COL22A1: variants seen among roughly 807,000 people sequenced by gnomAD.
COL22A1 encodes the protein collagen alpha-1(XXII) chain.
In COL22A1, 221 loss-of-function variants were observed where a neutral mutation model predicts 248.9. The observed-to-expected ratio is 0.89, with a 90% CI of 0.80 to 0.99. The LOEUF (loss-of-function observed/expected upper bound fraction) is 0.99. Among genes scored for constraint, COL22A1 ranks in the 50% least tolerant of loss-of-function variants. The probability of loss-of-function intolerance (pLI) is 0.00; values close to 1 mark genes in which losing one functional copy is unlikely to be tolerated. For synonymous variants in COL22A1, 891 were observed against 793.4 expected (o/e 1.12, Z -2.07); for missense variants, 2,240 against 2,179.0 (o/e 1.03, Z -0.56).
intron 12 of COL22A1, among the ~76,000 whole-genome samples, chr8:138,787,463 G>A (rs2131563867): frequency 6.6e-6 from 1 of 152,322 alleles, no homozygotes; most frequent in South Asian, 2.1e-4. Context: ...AGGAGGAGGA[G>A]TACCTCTGGC....
chr8:138,758,524 G>C lies in COL22A1; in HGVS notation c.1902+1719C>G, dbSNP rs1833209689. Among the ~76,000 whole-genome samples the C allele has an allele frequency of 2.0e-5, 3 of 152,350 alleles. No homozygotes were observed. The South Asian group carries it at 6.2e-4, about 32-fold the overall frequency. On this transcript the variant is annotated intron_variant, in intron 18 of 64. Coordinates refer to ENST00000303045, the MANE Select transcript of COL22A1 (RefSeq NM_152888.3). ...CATCGAATGGACAGGCAGATAATAT[G>C]ATAGGCCTTGGTCAATAATCAGATT...
intron 5 of COL22A1, among the ~76,000 whole-genome samples, chr8:138,830,283 C>A (rs1483042532): frequency 6.6e-6 from 1 of 152,096 alleles, no homozygotes; most frequent in Non-Finnish European, 1.5e-5. Flanking sequence ...CTGCCTTGCT[C>A]GTTTCTGTTA....
chr8:138,772,511 T>C (rs1015522949), intron 16 of COL22A1, among the ~76,000 whole-genome samples: 6 of 152,096 alleles, frequency 3.9e-5, no homozygotes, highest in African/African-American at 1.2e-4. Context: ...AAAAAGATTT[T>C]TATACCAATC....
At position 138,755,141 on chromosome 8, in the gene COL22A1, G is replaced by T. The variant is rs1369829146; in HGVS notation, c.2031+16C>A. The T allele has an allele frequency of 6.2e-7, 1 of 1,613,846 alleles. No individual in the cohort carries two copies. The highest frequency in any genetic ancestry group is 1.1e-5 in the South Asian group (1 of 91,064). On this transcript the variant is annotated intron_variant, in intron 21 of 64. Coordinates refer to ENST00000303045, the MANE Select transcript of COL22A1 (RefSeq NM_152888.3). ...AGCGTGCAGAGCAAACCCTGCGCAG[G>T]AGAGGGACAACTTACCCGAGCTCCT... is the stretch of plus-strand genomic sequence containing the variant.
intron 27 of COL22A1, 56 bp downstream of exon 27, chr8:138,720,683 C>A: frequency 7.1e-7 from 1 of 1,411,832 alleles, no homozygotes; most frequent in Non-Finnish European, 1.0e-6. Context: ...ACACACCACC[C>A]CAAATAGACC....
chr8:138,602,632 G>A (rs1376236457), intron 59 of COL22A1, among the ~76,000 whole-genome samples: 1 of 152,114 alleles, frequency 6.6e-6, no homozygotes, highest in African/African-American at 2.4e-5. Flanking sequence ...TGGCCTGCAG[G>A]TCTCCTCTTC....
intron 50 of COL22A1, 24 bp from the exon 51 acceptor site, chr8:138,626,267 C>CACCATG (rs763773388): frequency 6.3e-7 from 1 of 1,593,692 alleles, no homozygotes; most frequent in Admixed American, 1.7e-5. Context: ...GACATAAAAA[C>CACCATG]ACCATGAAAC....
chr8:138,741,974 G>T (rs375113365), intron 22 of COL22A1, among the ~76,000 whole-genome samples: 125 of 138,750 alleles, frequency 9.0e-4, no homozygotes, highest in Non-Finnish European at 1.1e-4. Context: ...GATGGTGATG[G>T]TAGAGTTGAT....
chr8:138,685,967 C>T (rs1826316271), intron 37 of COL22A1, among the ~76,000 whole-genome samples: 1 of 152,036 alleles, frequency 6.6e-6, no homozygotes, highest in Non-Finnish European at 1.5e-5. Flanking sequence ...ACAGATCAGC[C>T]CTCATTTCTG....
rs964434754 is a variant in COL22A1 at position 138,626,245 on chromosome 8, T to C, written c.3664-2A>G. 1 of 1,608,332 alleles carries C rather than the reference T, an allele frequency of 6.2e-7. No individual in the cohort carries two copies. The highest frequency in any genetic ancestry group is 1.3e-5 in the African/African-American group (1 of 74,538). On this transcript the variant is annotated splice_acceptor_variant, in intron 50 of 64. Transcript: ENST00000303045. LOFTEE classifies it high-confidence loss of function. ...GGGGCCAGGAGGGCCTTCTTTCCCC[T>C]AAAAGATCCAAGACATAAAAACACC...
chr8:138,863,920 C>T (rs1333888175), intron 3 of COL22A1, among the ~76,000 whole-genome samples: 4 of 152,212 alleles, frequency 2.6e-5, no homozygotes, highest in Non-Finnish European at 5.9e-5. Context: ...AGGGTTTCCG[C>T]TCTCGGATTT....
intron 9 of COL22A1, among the ~76,000 whole-genome samples, chr8:138,809,240 T>C (rs564354573): frequency 1.3e-5 from 2 of 152,190 alleles, no homozygotes; most frequent in East Asian, 1.9e-4. Flanking sequence ...TGTGAGATCC[T>C]TGGGGCTCAG....
intron 35 of COL22A1, among the ~76,000 whole-genome samples, chr8:138,692,186 AC>A (rs150065619): frequency 0.054 from 466 of 8,618 alleles, no homozygotes; most frequent in Middle Eastern, 0.17. Context: ...GTATGTGTGC[AC>A]GTGCATGTGT....
At chr8:138,805,178 T>G (rs111206269) in intron 10 of COL22A1, among the ~76,000 whole-genome samples, 5 of 123,020 alleles carry the variant, frequency 4.1e-5, no homozygotes, top group East Asian at 4.8e-4. Flanking sequence ...TGTGTGTGTG[T>G]GGTGTGTGTG....
At chr8:138,898,542 T>A (rs2132144071) in intron 1 of COL22A1, among the ~76,000 whole-genome samples, 1 of 152,194 alleles carries the variant, frequency 6.6e-6, no homozygotes, top group East Asian at 1.9e-4. Context: ...CACTTGCTAC[T>A]TCACCTCTCA....
At chr8:138,754,150 G>T (rs1832812718) in intron 21 of COL22A1, among the ~76,000 whole-genome samples, 1 of 152,148 alleles carries the variant, frequency 6.6e-6, no homozygotes, top group Admixed American at 6.5e-5. Context: ...ATATAGTATA[G>T]ACCTTCAATA....
chr8:138,723,840 T>G (rs749458532), intron 25 of COL22A1, among the ~76,000 whole-genome samples: 3 of 152,152 alleles, frequency 2.0e-5, no homozygotes, highest in Non-Finnish European at 4.4e-5. Context: ...CCTGGGCGCC[T>G]TGATCCACAT....
In COL22A1 at chr8:138,677,949, A is replaced by G. The variant is rs535360061; in HGVS notation, c.3073-1314T>C. Among the ~76,000 whole-genome samples, 8 of 152,350 alleles carry G rather than the reference A, an allele frequency of 5.3e-5. No homozygotes were observed. The East Asian group carries it at 1.5e-3, about 29-fold the overall frequency. ...CTCAGAAGCTTGTTATGAAGAGCCAATGAGATAATGTTGCAGCTAATTAAG... is the reference window on the plus strand; with the variant it reads ...CTCAGAAGCTTGTTATGAAGAGCCAGTGAGATAATGTTGCAGCTAATTAAG... On this transcript the variant is annotated intron_variant, in intron 40 of 64. Coordinates refer to ENST00000303045, the MANE Select transcript of COL22A1 (RefSeq NM_152888.3).
chr8:138,762,760 C>T (rs1428033926), intron 16 of COL22A1, among the ~76,000 whole-genome samples: 6 of 98,600 alleles, frequency 6.1e-5, no homozygotes, highest in South Asian at 4.2e-4. Flanking sequence ...CTTCATCTCA[C>T]GGTTCATGGG....
Sources: gnomAD v4.1 joint callset for allele counts (sites outside exome capture counted in the v4.1 genomes callset) on GRCh38, gnomAD v4.1.1 for gene constraint, MANE v1.5 for transcripts, NCBI Gene and HGNC (gene_info 2026-07-23, HGNC 2026-07-21) for gene names.